Variants in FRAS1 observed in about 807,000 individuals in gnomAD.
FRAS1 encodes the protein extracellular matrix organizing protein FRAS1.
Under a neutral mutation model 435.2 loss-of-function variants are expected in FRAS1, and 290 were observed. That is an observed-to-expected ratio of 0.67 (90% CI 0.61 to 0.73). The LOEUF is 0.73. FRAS1 is among the 30% of genes least tolerant of loss of function. The pLI, the probability that FRAS1 is intolerant of heterozygous loss-of-function variation, is 0.00. For missense variants in FRAS1, 4,860 were observed against 5,001.5 expected, an observed-to-expected ratio of 0.97 and a Z score of 0.85; for synonymous variants, 1,800 against 1,851.0, an observed-to-expected ratio of 0.97 and a Z score of 0.71.
At chr4:78,462,196 G>A (rs1438203272) in intron 47 of FRAS1, among the ~76,000 whole-genome samples, 5 of 152,146 alleles carry the variant, frequency 3.3e-5, no homozygotes, top group Admixed American at 6.5e-5. Context: ...CCAACATGGC[G>A]AAACCCAGTC....
At chr4:78,504,806 T>C (rs564151476) in intron 61 of FRAS1, among the ~76,000 whole-genome samples, 26 of 152,324 alleles carry the variant, frequency 1.7e-4, no homozygotes, top group African/African-American at 6.3e-4. Context: ...ATTGATGCAG[T>C]TTCTTCATAG....
At chr4:78,500,038 A>G (rs1720629316) in intron 61 of FRAS1, 117 bp downstream of exon 61, 2 of 773,684 alleles carry the variant, frequency 2.6e-6, no homozygotes, top group African/African-American at 1.8e-5. Flanking sequence ...TCCAATAGCT[A>G]AAGCATTTTT....
chr4:78,244,128 TA>T (rs1487636610), intron 3 of FRAS1, among the ~76,000 whole-genome samples: 3 of 152,200 alleles, frequency 2.0e-5, no homozygotes, highest in African/African-American at 7.2e-5. Context: ...TTTAGTGGGT[TA>T]ATGGTTGTAA....
chr4:78,127,293 C>T (rs1401573842), intron 2 of FRAS1, among the ~76,000 whole-genome samples: 1 of 152,042 alleles, frequency 6.6e-6, no homozygotes, highest in Non-Finnish European at 1.5e-5. Context: ...AAACGATAAT[C>T]CTAGGCTTGC....
intron 58 of FRAS1, among the ~76,000 whole-genome samples, chr4:78,488,148 T>A (rs755232528): frequency 1.5e-3 from 230 of 151,996 alleles, no homozygotes; most frequent in Non-Finnish European, 2.3e-3. Flanking sequence ...AAAAGAAGAG[T>A]CATCTATAGC....
chr4:78,140,249 T>A (rs533678494), intron 2 of FRAS1, among the ~76,000 whole-genome samples: 1 of 152,194 alleles, frequency 6.6e-6, no homozygotes, highest in South Asian at 2.1e-4. Flanking sequence ...AACAAATAAT[T>A]AATCTTTCCT....
intron 2 of FRAS1, chr4:78,071,401 A>T (rs1230806583): frequency 6.6e-6 from 1 of 152,222 alleles, no homozygotes; most frequent in Non-Finnish European, 1.5e-5. Flanking sequence ...TCAGGTGGTA[A>T]CAAGATGTCG....
intron 60 of FRAS1, among the ~76,000 whole-genome samples, chr4:78,499,435 G>C (rs937568124): frequency 5.3e-5 from 8 of 152,074 alleles, no homozygotes; most frequent in African/African-American, 1.9e-4. Context: ...TTGGAAACTT[G>C]GACATCATGA....
chr4:78,429,310 A>C, intron 36 of FRAS1, 84 bp downstream of exon 36: 1 of 1,461,696 alleles, frequency 6.8e-7, no homozygotes, highest in East Asian at 2.5e-5. Context: ...GATGGTTGCC[A>C]AAAAAGCAAA....
chr4:78,467,153 TG>T (rs1233630528), intron 50 of FRAS1, among the ~76,000 whole-genome samples: 3 of 152,228 alleles, frequency 2.0e-5, no homozygotes, highest in African/African-American at 7.2e-5. Context: ...TCATCTGTCA[TG>T]CTAGCAAAAA....
chr4:78,194,194 T>C (rs1455801420), intron 2 of FRAS1, among the ~76,000 whole-genome samples: 2 of 152,246 alleles, frequency 1.3e-5, no homozygotes, highest in African/African-American at 4.8e-5. Flanking sequence ...TCTCTCTGGC[T>C]GCCCTTAAGA....
At chr4:78,180,171 A>G (rs1721938502) in intron 2 of FRAS1, among the ~76,000 whole-genome samples, 1 of 152,188 alleles carries the variant, frequency 6.6e-6, no homozygotes, top group Admixed American at 6.5e-5. Flanking sequence ...TGAACAGGAT[A>G]GATGGTGCCT....
intron 2 of FRAS1, among the ~76,000 whole-genome samples, chr4:78,116,272 G>C (rs1244249726): frequency 6.6e-6 from 1 of 152,140 alleles, no homozygotes; most frequent in Non-Finnish European, 1.5e-5. Flanking sequence ...TTTTGGAATA[G>C]GTGTGGTGTG....
At chr4:78,078,415 A>G (rs1363243389) in intron 2 of FRAS1, among the ~76,000 whole-genome samples, 1 of 152,214 alleles carries the variant, frequency 6.6e-6, no homozygotes, top group African/African-American at 2.4e-5. Flanking sequence ...TAGTTAGTAT[A>G]TTCTCTGACT....
chr4:78,267,952 C>T (rs959118977), intron 9 of FRAS1, among the ~76,000 whole-genome samples: 1 of 152,196 alleles, frequency 6.6e-6, no homozygotes, highest in Non-Finnish European at 1.5e-5. Flanking sequence ...ACAATTAACT[C>T]CATTGACCTC....
At position 78,379,887 on chromosome 4, in the gene FRAS1, G is replaced by A; in HGVS notation, c.3454G>A (p.Val1152Met). Residue 1152 changes from valine (V) to methionine (M), a missense_variant, in exon 27 of 74, where the codon GTG becomes ATG. By Grantham distance (21) the Val-to-Met change is conservative. Coordinates refer to ENST00000512123, the MANE Select transcript of FRAS1 (RefSeq NM_025074.7). ...VVSTPTNGQL[V>M]LSRNGKEVQL... Reference sequence around the variant, plus strand: ...GAGCACTCCCACCAATGGTCAGCTAGTGCTCTCAAGAAATGGAAAAGAGGT... The same window carrying A: ...GAGCACTCCCACCAATGGTCAGCTAATGCTCTCAAGAAATGGAAAAGAGGT... 1 of 1,613,924 alleles carries A rather than the reference G, an allele frequency of 6.2e-7. No individual in the cohort carries two copies. Among genetic ancestry groups the A allele is most frequent in the Non-Finnish European group, 8.5e-7 (1 of 1,179,862 alleles).
intron 38 of FRAS1, among the ~76,000 whole-genome samples, chr4:78,435,010 CT>C (rs1479011793): frequency 3.3e-5 from 5 of 152,012 alleles, no homozygotes; most frequent in Non-Finnish European, 7.4e-5. Context: ...GCCTAATGGA[CT>C]TTTTATGGAA....
At position 78,099,179 on chromosome 4, in the gene FRAS1, G is replaced by A. The variant is rs191022265; in HGVS notation, c.108+33163G>A. On this transcript the variant is annotated intron_variant, in intron 2 of 73. Transcript: ENST00000512123. Reference sequence around the variant, plus strand: ...CCATGGGGTGATCGAGGAAGAGCTGGTGGCCTGTGCATCTGGCTGATTAGT... The same window carrying A: ...CCATGGGGTGATCGAGGAAGAGCTGATGGCCTGTGCATCTGGCTGATTAGT... Among the ~76,000 whole-genome samples, 269 of 152,330 alleles carry A rather than the reference G, an allele frequency of 1.8e-3. 1 individual carries two copies. The highest frequency in any genetic ancestry group is 6.2e-3 in the African/African-American group (258 of 41,582).
chr4:78,203,985 G>A (rs1723151131), intron 2 of FRAS1, among the ~76,000 whole-genome samples: 1 of 152,172 alleles, frequency 6.6e-6, no homozygotes, highest in Non-Finnish European at 1.5e-5. Context: ...TAGTGCTAGA[G>A]GGCTGTCTAG....
Sources: allele counts gnomAD v4.1 joint callset (sites outside exome capture counted in the v4.1 genomes callset), GRCh38; gene constraint gnomAD v4.1.1; transcripts MANE v1.5; gene names NCBI Gene and HGNC (gene_info 2026-07-23, HGNC 2026-07-21).